The following UBE2D2 variants were observed in gnomAD, a reference collection of about 807,000 sequenced individuals.
UBE2D2 encodes ubiquitin conjugating enzyme E2 D2.
In UBE2D2, 2 loss-of-function variants were observed where a neutral mutation model predicts 24.2. The observed-to-expected ratio is 0.08, with a 90% CI of 0.03 to 0.26. UBE2D2 has a LOEUF of 0.26. Ranked by LOEUF, UBE2D2 falls within the 10% of genes least tolerant of loss-of-function variation. The pLI is 1.00. For missense variants in UBE2D2, 44 were observed against 177.6 expected (o/e 0.25, Z 4.28); for synonymous variants, 58 against 56.5 (o/e 1.03, Z -0.12).
At chr5:139,609,747 T>TTTTC (rs899854266) in intron 2 of UBE2D2, among the ~76,000 whole-genome samples, 1 of 150,828 alleles carries the variant, frequency 6.6e-6, no homozygotes, top group African/African-American at 2.4e-5. Context: ...TTTTAAGTTG[T>TTTTC]TTTCTTTCTT....
intron 1 of UBE2D2, among the ~76,000 whole-genome samples, chr5:139,576,354 C>G (rs1753468377): frequency 6.6e-6 from 1 of 152,130 alleles, no homozygotes; most frequent in Admixed American, 6.6e-5. Context: ...TTCCTTGGCT[C>G]CTTTGGTTTG....
At chr5:139,603,608 T>G (rs1378619246) in intron 2 of UBE2D2, among the ~76,000 whole-genome samples, 4 of 96,024 alleles carry the variant, frequency 4.2e-5, no homozygotes, top group Admixed American at 1.6e-4. Context: ...GGTGACAGAG[T>G]GAGACTCTGT....
intron 1 of UBE2D2, among the ~76,000 whole-genome samples, chr5:139,583,505 TA>T (rs1177127691): frequency 1.3e-5 from 2 of 152,174 alleles, no homozygotes; most frequent in African/African-American, 4.8e-5. Context: ...CTTACGCCTG[TA>T]ATCCCAGAAC....
chr5:139,540,572 C>G (rs982114647), intron 1 of UBE2D2, among the ~76,000 whole-genome samples: 2 of 150,666 alleles, frequency 1.3e-5, no homozygotes, highest in Non-Finnish European at 2.9e-5. Context: ...AGAATAATAG[C>G]TATCTAATTA....
chr5:139,564,024 A>G (rs1370755816), intron 1 of UBE2D2, among the ~76,000 whole-genome samples: 1 of 152,214 alleles, frequency 6.6e-6, no homozygotes, highest in Non-Finnish European at 1.5e-5. Context: ...TTGACACAAA[A>G]CATACGTTTT....
upstream of UBE2D2, among the ~76,000 whole-genome samples, chr5:139,558,283 G>T (rs927461106): frequency 6.6e-6 from 1 of 152,036 alleles, no homozygotes; most frequent in Non-Finnish European, 1.5e-5. Flanking sequence ...ACGATATATT[G>T]TTTATTTTCT....
intron 1 of UBE2D2, among the ~76,000 whole-genome samples, chr5:139,537,112 G>A (rs1752693586): frequency 6.6e-6 from 1 of 151,722 alleles, no homozygotes; most frequent in South Asian, 2.1e-4. Flanking sequence ...GAACCCGGGA[G>A]GCGGTGCTTG....
At chr5:139,544,168 C>CTTTTTT (rs33938446) in intron 1 of UBE2D2, among the ~76,000 whole-genome samples, 2 of 136,602 alleles carry the variant, frequency 1.5e-5, no homozygotes, top group African/African-American at 5.3e-5. Flanking sequence ...TTCTTTCTTT[C>CTTTTTT]TTTTTTTTTT....
At chr5:139,557,024 G>C (rs760271315), upstream of UBE2D2, among the ~76,000 whole-genome samples, 2 of 151,278 alleles carry the variant, frequency 1.3e-5, no homozygotes, top group African/African-American at 4.9e-5. Context: ...TAGTAGAGAC[G>C]GGGTTTCATC....
At chr5:139,575,748 G>A (rs1183998637) in intron 1 of UBE2D2, among the ~76,000 whole-genome samples, 2 of 152,200 alleles carry the variant, frequency 1.3e-5, no homozygotes, top group Non-Finnish European at 2.9e-5. Context: ...GAAATTAGCT[G>A]GGTACAGTGG....
intron 1 of UBE2D2, among the ~76,000 whole-genome samples, chr5:139,530,303 C>G (rs1752585771): frequency 6.6e-6 from 1 of 152,162 alleles, no homozygotes; most frequent in Admixed American, 6.5e-5. Flanking sequence ...GGACAGGTAG[C>G]TGTATAATTG....
chr5:139,597,206 C>G (rs1753980451), intron 1 of UBE2D2, among the ~76,000 whole-genome samples: 1 of 152,144 alleles, frequency 6.6e-6, no homozygotes, highest in Non-Finnish European at 1.5e-5. Context: ...CTTCATGTCT[C>G]TTTTATAGTT....
chr5:139,571,037 A>G (rs1403608116), intron 1 of UBE2D2, among the ~76,000 whole-genome samples: 1 of 152,238 alleles, frequency 6.6e-6, no homozygotes, highest in Non-Finnish European at 1.5e-5. Flanking sequence ...TAATCTCAGC[A>G]GATGAACAGA....
intron 1 of UBE2D2, among the ~76,000 whole-genome samples, chr5:139,549,756 C>T (rs1268329807): frequency 6.6e-6 from 1 of 152,240 alleles, no homozygotes; most frequent in Admixed American, 6.5e-5. Flanking sequence ...TAGCGGGCAA[C>T]TCCGCCCCGG....
At chr5:139,565,235 G>A (rs1002402995) in intron 1 of UBE2D2, among the ~76,000 whole-genome samples, 1 of 152,218 alleles carries the variant, frequency 6.6e-6, no homozygotes, top group African/African-American at 2.4e-5. Flanking sequence ...ACAGAGGGAC[G>A]CTATTCATGT....
chr5:139,616,507 C>T (rs946774615), intron 5 of UBE2D2, among the ~76,000 whole-genome samples: 2 of 151,998 alleles, frequency 1.3e-5, no homozygotes, highest in African/African-American at 2.4e-5. Flanking sequence ...ATTCAGATCC[C>T]AATAGATGAA....
chr5:139,624,920 T>G (rs1754582844), intron 6 of UBE2D2, among the ~76,000 whole-genome samples: 1 of 152,200 alleles, frequency 6.6e-6, no homozygotes, highest in African/African-American at 2.4e-5. Context: ...TTTTTTTGAT[T>G]AGAGAACTGT....
chr5:139,563,745 A>G (rs1753159128), intron 1 of UBE2D2, among the ~76,000 whole-genome samples: 1 of 152,130 alleles, frequency 6.6e-6, no homozygotes, highest in African/African-American at 2.4e-5. Context: ...ATCCTGGCTA[A>G]CACGGTGAAA....
At chr5:139,540,615 C>A (rs2126632067) in intron 1 of UBE2D2, among the ~76,000 whole-genome samples, 1 of 151,518 alleles carries the variant, frequency 6.6e-6, no homozygotes, top group East Asian at 1.9e-4. Flanking sequence ...TTAGAGGAAA[C>A]CAATGTGCAG....
Sources: allele counts gnomAD v4.1 joint callset (sites outside exome capture counted in the v4.1 genomes callset), GRCh38; gene constraint gnomAD v4.1.1; transcripts MANE v1.5; gene names NCBI Gene and HGNC (gene_info 2026-07-23, HGNC 2026-07-21).